MYO9A: variants seen among roughly 807,000 people sequenced by gnomAD.
MYO9A encodes the protein unconventional myosin-IXa.
A neutral mutation model predicts 293.3 loss-of-function variants in MYO9A; 103 were observed. That is an observed-to-expected ratio of 0.35 (90% CI 0.30 to 0.41). MYO9A has a LOEUF of 0.41. Ranked by LOEUF, MYO9A falls within the 10% of genes least tolerant of loss-of-function variation. The pLI is 1.00. For synonymous variants in MYO9A, 1,001 were observed against 1,035.7 expected (o/e 0.97, Z 0.64); for missense variants, 2,685 against 3,033.0 (o/e 0.89, Z 2.69).
chr15:71,878,452 C>T lies in MYO9A; in HGVS notation c.5740-221G>A, dbSNP rs576490434. 1.9e-4 allele frequency among the ~76,000 whole-genome samples: 29 copies of T among 152,176 alleles called. No individual in the cohort carries two copies. The South Asian group carries it at 2.1e-3, about 11-fold the overall frequency. Reference sequence around the variant, plus strand: ...TGCTAAATTTTAGTAAAAAACCTGACGGTAATAATTTGAGGAAGTCTTGAG... The same window carrying T: ...TGCTAAATTTTAGTAAAAAACCTGATGGTAATAATTTGAGGAAGTCTTGAG... On this transcript the variant is annotated intron_variant, in intron 30 of 41. Coordinates refer to ENST00000356056, the MANE Select transcript of MYO9A (RefSeq NM_006901.4).
chr15:71,836,296 G>A (rs1433899941), intron 39 of MYO9A, among the ~76,000 whole-genome samples: 1 of 151,804 alleles, frequency 6.6e-6, no homozygotes, highest in Non-Finnish European at 1.5e-5. Flanking sequence ...ACATGTTAGA[G>A]TCACAACAAA....
intron 39 of MYO9A, among the ~76,000 whole-genome samples, chr15:71,838,421 T>C (rs1255696520): frequency 1.3e-5 from 2 of 152,150 alleles, no homozygotes; most frequent in Non-Finnish European, 2.9e-5. Context: ...ATAGGGATTG[T>C]ATTGGTTTTG....
chr15:71,959,914 A>C lies in MYO9A; in HGVS notation c.2169T>G (p.Ile723Met), dbSNP rs374875667. Residue 723 changes from isoleucine to methionine, a missense_variant, in exon 14 of 42, where the codon ATT becomes ATG. Physicochemically the swap from Ile to Met is conservative, Grantham distance 10 (BLOSUM62 1). Coordinates refer to ENST00000356056, the MANE Select transcript of MYO9A (RefSeq NM_006901.4). ...ACTACTACTTACCAGTTTTTCTGTG[A>C]ATGTTTCTTTTCCCAGCTTCCCTGA... is the stretch of plus-strand genomic sequence containing the variant. ...VAFREAGKRN[I>M]HRKTGHDDTA... is the part of the protein sequence containing the mutation. 28 of 1,613,274 alleles carry C rather than the reference A, an allele frequency of 1.7e-5. No individual in the cohort carries two copies. The highest frequency in any genetic ancestry group is 2.4e-5 in the Non-Finnish European group (28 of 1,179,708).
intron 19 of MYO9A, among the ~76,000 whole-genome samples, chr15:71,912,480 T>C (rs1161730764): frequency 6.6e-6 from 1 of 152,212 alleles, no homozygotes; most frequent in Non-Finnish European, 1.5e-5. Flanking sequence ...GGTCTCGAAC[T>C]CCTGACCTTG....
intron 11 of MYO9A, among the ~76,000 whole-genome samples, chr15:71,980,390 G>C (rs1441058069): frequency 6.6e-6 from 1 of 152,122 alleles, no homozygotes; most frequent in Non-Finnish European, 1.5e-5. Flanking sequence ...CGTATTGTCT[G>C]TCTTTTTCAT....
intron 15 of MYO9A, among the ~76,000 whole-genome samples, chr15:71,949,413 G>GC (rs2146472818): frequency 6.7e-6 from 1 of 148,220 alleles, no homozygotes; most frequent in South Asian, 2.1e-4. Flanking sequence ...TATGCTGGGT[G>GC]TTTTTTTGTT....
intron 26 of MYO9A, chr15:71,889,698 C>T (rs1288496778): frequency 6.6e-6 from 1 of 151,654 alleles, no homozygotes; most frequent in Non-Finnish European, 1.5e-5. Context: ...AAGGGTTTAC[C>T]AAAATTGACC....
chr15:71,896,820 T>G (rs921088959), intron 25 of MYO9A: 2 of 151,856 alleles, frequency 1.3e-5, no homozygotes, highest in Admixed American at 6.6e-5. Flanking sequence ...ATATGAAGTA[T>G]AAAAAGTAAA....
chr15:71,900,104 G>T, intron 23 of MYO9A, 98 bp from the exon 24 acceptor site: 1 of 1,206,868 alleles, frequency 8.3e-7, no homozygotes, highest in African/African-American at 1.5e-5. Context: ...ATAATTACAG[G>T]TTAAGTGGCT....
At chr15:71,995,506 T>C (rs143182682) in intron 9 of MYO9A, among the ~76,000 whole-genome samples, 212 of 151,580 alleles carry the variant, frequency 1.4e-3, no homozygotes, top group African/African-American at 4.6e-3. Flanking sequence ...TTCCTGTAAG[T>C]CTGAAATTGT....
At chr15:71,937,601 G>A (rs2058674449) in intron 16 of MYO9A, among the ~76,000 whole-genome samples, 2 of 152,084 alleles carry the variant, frequency 1.3e-5, no homozygotes, top group African/African-American at 4.8e-5. Flanking sequence ...TATGCACTGG[G>A]AAACCGAAAA....
rs148451655 is a variant in MYO9A at position 71,989,132 on chromosome 15, C to T, written c.1722+1971G>A. Among the ~76,000 whole-genome samples, 446 of 152,206 alleles carry T rather than the reference C, an allele frequency of 2.9e-3. 4 individuals are homozygous for T. Among genetic ancestry groups the T allele is most frequent in the South Asian group, 0.02 (97 of 4,822 alleles). On this transcript the variant is annotated intron_variant, in intron 11 of 41. Coordinates refer to ENST00000356056, the MANE Select transcript of MYO9A (RefSeq NM_006901.4). Reference sequence around the variant, plus strand: ...CTGGTCTCAAACTCCTGACCTCGTCCGCCCACCTCGGCCTCCCATAGTGCT... The same window carrying T: ...CTGGTCTCAAACTCCTGACCTCGTCTGCCCACCTCGGCCTCCCATAGTGCT...
chr15:72,113,090 C>T (rs1284847712), intron 1 of MYO9A, among the ~76,000 whole-genome samples: 1 of 152,072 alleles, frequency 6.6e-6, no homozygotes, highest in African/African-American at 2.4e-5. Flanking sequence ...TTTTAAAATG[C>T]TCAATCTAAA....
At chr15:72,104,137 T>C (rs191102208) in intron 1 of MYO9A, among the ~76,000 whole-genome samples, 33 of 152,266 alleles carry the variant, frequency 2.2e-4, no homozygotes, top group Non-Finnish European at 4.1e-4. Context: ...AGTATGATAC[T>C]TTCTCATAAT....
intron 1 of MYO9A, among the ~76,000 whole-genome samples, chr15:72,109,386 T>C (rs2080694618): frequency 6.9e-6 from 1 of 145,550 alleles, no homozygotes; most frequent in Non-Finnish European, 1.5e-5. Flanking sequence ...CAAGGCTCTG[T>C]CTAAAAAAAA....
At chr15:71,879,648 ATTATC>A (rs2056812231) in intron 30 of MYO9A, 68 bp downstream of exon 30, 1 of 1,083,672 alleles carries the variant, frequency 9.2e-7, no homozygotes, top group Non-Finnish European at 1.4e-6. Flanking sequence ...TGGCTTTTGT[ATTATC>A]TTCTACAGCG....
intron 1 of MYO9A, among the ~76,000 whole-genome samples, chr15:72,106,661 C>T (rs1416476929): frequency 6.6e-6 from 1 of 151,712 alleles, no homozygotes; most frequent in Admixed American, 6.6e-5. Context: ...AGTGCAGCAG[C>T]GCAATCACAG....
At chr15:71,937,343 A>G (rs1000098661) in intron 16 of MYO9A, among the ~76,000 whole-genome samples, 7 of 152,118 alleles carry the variant, frequency 4.6e-5, no homozygotes, top group Admixed American at 1.3e-4. Context: ...TGCAAATTTC[A>G]TTGTCTTATT....
chr15:71,916,336 ATTC>A (rs1410480545), intron 19 of MYO9A, 31 bp downstream of exon 19: 1 of 1,598,092 alleles, frequency 6.3e-7, no homozygotes, highest in African/African-American at 1.4e-5. Context: ...AAAGATACAG[ATTC>A]TTATTTGTTT....
Sources: allele counts gnomAD v4.1 joint callset (sites outside exome capture counted in the v4.1 genomes callset), GRCh38; gene constraint gnomAD v4.1.1; transcripts MANE v1.5; gene names NCBI Gene and HGNC (gene_info 2026-07-23, HGNC 2026-07-21).